GNAO1: variants seen among roughly 807,000 people sequenced by gnomAD.
The protein encoded by GNAO1 is guanine nucleotide-binding protein G(o) subunit alpha.
For missense variants in GNAO1, 166 were observed against 478.7 expected (o/e 0.35, Z 6.10); for synonymous variants, 164 against 180.7 (o/e 0.91, Z 0.74).
chr16:56,222,689 G>A (rs1364030053), intron 2 of GNAO1, among the ~76,000 whole-genome samples: 1 of 152,160 alleles, frequency 6.6e-6, no homozygotes, highest in Non-Finnish European at 1.5e-5. Context: ...CATCGTAGGT[G>A]TGTGTGAGAA....
intron 8 of GNAO1, chr16:56,355,490 T>C (rs1356000448): frequency 6.6e-6 from 1 of 152,394 alleles, no homozygotes; most frequent in Non-Finnish European, 1.5e-5. Context: ...CCCAGCCAGC[T>C]CTCTGTGTTG....
In GNAO1 at chr16:56,345,430, C is replaced by T. The variant is rs187522088; in HGVS notation, c.724-5954C>T. ...CCCCTGGGTTTCCACTTGCAGCCCC[C>T]GGACTGCCCCAGAGCCGGGAAGCAC... On this transcript the variant is annotated intron_variant, in intron 6 of 8. Coordinates refer to ENST00000262493, the MANE Select transcript of GNAO1 (RefSeq NM_020988.3). 374 of 985,818 alleles carry T rather than the reference C, an allele frequency of 3.8e-4. 1 individual carries two copies. In the African/African-American group the frequency reaches 4.4e-3, roughly 12 times the overall value. 61.1% of individuals were successfully genotyped at this position (985,818 alleles called of 1,614,324 possible). A position where few individuals can be genotyped will look rare whatever the true frequency, so the allele number is the denominator to read the frequency against.
At chr16:56,348,171 A>G (rs1414302465) in intron 6 of GNAO1, 1 of 981,870 alleles carries the variant, frequency 1.0e-6, no homozygotes, top group Non-Finnish European at 1.2e-6. Flanking sequence ...TTAGTCGCCT[A>G]CCGTTAATAA....
At chr16:56,342,750 C>T (rs1210629083) in intron 6 of GNAO1, among the ~76,000 whole-genome samples, 1 of 152,212 alleles carries the variant, frequency 6.6e-6, no homozygotes, top group African/African-American at 2.4e-5. Flanking sequence ...ACCAGGGCTA[C>T]CTGCATGAGC....
intron 3 of GNAO1, among the ~76,000 whole-genome samples, chr16:56,323,676 C>G (rs1181140739): frequency 1.3e-5 from 2 of 151,180 alleles, no homozygotes; most frequent in Non-Finnish European, 3.0e-5. Flanking sequence ...AAAAAAAAAT[C>G]CAGCCTTTTA....
intron 2 of GNAO1, among the ~76,000 whole-genome samples, chr16:56,201,281 G>A (rs1179051007): frequency 2.6e-5 from 4 of 152,074 alleles, no homozygotes; most frequent in Admixed American, 1.3e-4. Flanking sequence ...TCACCAGGTC[G>A]AAAAAAAGGA....
chr16:56,196,874 G>T (rs1363835188), intron 2 of GNAO1, among the ~76,000 whole-genome samples: 1 of 152,224 alleles, frequency 6.6e-6, no homozygotes, highest in Non-Finnish European at 1.5e-5. Context: ...AAATATTCCA[G>T]CCTGACAAGT....
chr16:56,298,858 T>G (rs1241283841), intron 3 of GNAO1, among the ~76,000 whole-genome samples: 2 of 147,388 alleles, frequency 1.4e-5, no homozygotes, highest in Non-Finnish European at 3.0e-5. Context: ...GAGCTTGCAG[T>G]GAGCTGAGAT....
At chr16:56,312,170 AG>A (rs1181882100) in intron 3 of GNAO1, among the ~76,000 whole-genome samples, 2 of 152,194 alleles carry the variant, frequency 1.3e-5, no homozygotes, top group East Asian at 1.9e-4. Context: ...ACAGGGAAGC[AG>A]GGCTGCACGG....
chr16:56,327,471 G>C (rs898576484), intron 3 of GNAO1, among the ~76,000 whole-genome samples: 1 of 152,080 alleles, frequency 6.6e-6, no homozygotes, highest in African/African-American at 2.4e-5. Flanking sequence ...CTTGCCACTC[G>C]CTCCTGAGGT....
At chr16:56,237,008 T>C (rs550350382) in intron 2 of GNAO1, among the ~76,000 whole-genome samples, 12 of 152,304 alleles carry the variant, frequency 7.9e-5, no homozygotes, top group African/African-American at 2.4e-4. Flanking sequence ...TCTGTAAGAG[T>C]AGAATTATAA....
intron 2 of GNAO1, among the ~76,000 whole-genome samples, chr16:56,233,926 C>A (rs114467679): frequency 6.6e-6 from 1 of 152,202 alleles, no homozygotes; most frequent in Non-Finnish European, 1.5e-5. Flanking sequence ...AACCAAGGCA[C>A]TGGACCAAAA....
At chr16:56,281,902 C>CTATA (rs2037118322) in intron 3 of GNAO1, among the ~76,000 whole-genome samples, 1 of 152,220 alleles carries the variant, frequency 6.6e-6, no homozygotes, top group African/African-American at 2.4e-5. Context: ...ACACATGTGT[C>CTATA]TATATAAACA....
At chr16:56,200,348 C>A (rs111957622) in intron 2 of GNAO1, among the ~76,000 whole-genome samples, 1 of 152,214 alleles carries the variant, frequency 6.6e-6, no homozygotes, top group South Asian at 2.1e-4. Context: ...AGGAAGAATA[C>A]GAGGTATATA....
intron 2 of GNAO1, among the ~76,000 whole-genome samples, chr16:56,230,560 T>C (rs2036580345): frequency 6.6e-6 from 1 of 152,184 alleles, no homozygotes; most frequent in Admixed American, 6.5e-5. Context: ...CCTTTATGGT[T>C]TGTTGTATAT....
chr16:56,344,759 C>T, intron 6 of GNAO1: 1 of 985,448 alleles, frequency 1.0e-6, no homozygotes, highest in Non-Finnish European at 1.2e-6. Flanking sequence ...TTTCTTTTTT[C>T]CAGTCACCAG....
At position 56,334,873 on chromosome 16, in the gene GNAO1, G is replaced by T; in HGVS notation, c.593+16G>T. ...TCCACTTCAGGTGAGGCCCAGAGAG[G>T]CCCCCAGGCCCTGGCGAGGGCTAAG... is the stretch of plus-strand genomic sequence containing the variant. On this transcript the variant is annotated intron_variant, in intron 5 of 8. Transcript: ENST00000262493. The T allele has an allele frequency of 6.2e-7, 1 of 1,613,564 alleles. No homozygotes were observed. The highest frequency in any genetic ancestry group is 1.6e-4 in the Middle Eastern group (1 of 6,062).
At chr16:56,246,636 T>A (rs1401113032) in intron 2 of GNAO1, among the ~76,000 whole-genome samples, 1 of 152,120 alleles carries the variant, frequency 6.6e-6, no homozygotes, top group Non-Finnish European at 1.5e-5. Context: ...AAGGAAAAGC[T>A]CACACGGCAC....
chr16:56,291,907 CT>C, intron 3 of GNAO1, among the ~76,000 whole-genome samples: 2 of 152,304 alleles, frequency 1.3e-5, no homozygotes, highest in Middle Eastern at 3.4e-3. Context: ...TGGCAACACT[CT>C]TATGATCTAA....
Sources: gnomAD v4.1 joint callset for allele counts (sites outside exome capture counted in the v4.1 genomes callset) on GRCh38, gnomAD v4.1.1 for gene constraint, MANE v1.5 for transcripts, NCBI Gene and HGNC (gene_info 2026-07-23, HGNC 2026-07-21) for gene names.